Variants in CALD1 observed in about 807,000 individuals in gnomAD.
CALD1 encodes the protein caldesmon 1.
CALD1 carries 33 observed loss-of-function variants against 99.9 expected under a neutral mutation model. That is an observed-to-expected ratio of 0.33 (90% CI 0.25 to 0.44). The LOEUF (loss-of-function observed/expected upper bound fraction) is 0.44, where lower values mean the gene tolerates loss of function less well. Among genes scored for constraint, CALD1 ranks in the 20% least tolerant of loss-of-function variants. The probability of loss-of-function intolerance (pLI) is 1.00; values close to 1 mark genes in which losing one functional copy is unlikely to be tolerated. For missense variants in CALD1, 861 were observed against 962.1 expected (o/e 0.89, Z 1.39); for synonymous variants, 310 against 325.0 (o/e 0.95, Z 0.50).
intron 3 of CALD1, among the ~76,000 whole-genome samples, chr7:134,878,440 G>C (rs1046883287): frequency 7.9e-5 from 12 of 152,022 alleles, no homozygotes; most frequent in African/African-American, 2.4e-4. Flanking sequence ...ATAGTAGTGG[G>C]CGCCTGTAAT....
At chr7:134,767,616 A>C (rs1421199788) in intron 1 of CALD1, among the ~76,000 whole-genome samples, 1 of 152,240 alleles carries the variant, frequency 6.6e-6, no homozygotes, top group Non-Finnish European at 1.5e-5. Context: ...AGGCCTCACC[A>C]AACAGTCTTG....
chr7:134,946,872 G>A (rs1300710318), intron 7 of CALD1, among the ~76,000 whole-genome samples: 1 of 151,216 alleles, frequency 6.6e-6, no homozygotes, highest in Non-Finnish European at 1.5e-5. Flanking sequence ...TATTTTAGTA[G>A]AGACAGGGTT....
chr7:134,775,858 C>T (rs1796914887), upstream of CALD1, among the ~76,000 whole-genome samples: 1 of 152,154 alleles, frequency 6.6e-6, no homozygotes, highest in South Asian at 2.1e-4. Context: ...AGTTTTATAA[C>T]TTTCTTGCAC....
intron 6 of CALD1, among the ~76,000 whole-genome samples, chr7:134,938,605 A>G (rs1240642986): frequency 6.6e-6 from 1 of 152,172 alleles, no homozygotes; most frequent in Non-Finnish European, 1.5e-5. Flanking sequence ...GGGGGCTCAG[A>G]ATCCCATGAG....
At chr7:134,881,895 T>C (rs530330312) in intron 3 of CALD1, among the ~76,000 whole-genome samples, 1 of 152,324 alleles carries the variant, frequency 6.6e-6, no homozygotes, top group African/African-American at 2.4e-5. Context: ...ATGCAGACGA[T>C]TTAAAATCCT....
chr7:134,824,907 T>A (rs1340208155), intron 1 of CALD1, among the ~76,000 whole-genome samples: 1 of 152,192 alleles, frequency 6.6e-6, no homozygotes, highest in Non-Finnish European at 1.5e-5. Context: ...CAGGGCCTGA[T>A]GTCTCTGATG....
intron 1 of CALD1, among the ~76,000 whole-genome samples, chr7:134,836,218 G>A (rs1189379223): frequency 6.7e-6 from 1 of 149,398 alleles, no homozygotes; most frequent in Non-Finnish European, 1.5e-5. Flanking sequence ...TGTTTCCTCA[G>A]CTTTGCCTCC....
Position 134,817,949 on chromosome 7 carries a change from C to T in CALD1, c.-129-25935C>T, listed in dbSNP as rs1798621833. Among the ~76,000 whole-genome samples the T allele has an allele frequency of 3.3e-5, 5 of 152,294 alleles. No homozygotes were observed. The South Asian group carries it at 1.0e-3, about 32-fold the overall frequency. ...TTTTCAAACAATACTTTTTGTCACA[C>T]TTGCCGTCAGCCCATTTTGTTATAA... is the stretch of plus-strand genomic sequence containing the variant. On this transcript the variant is annotated intron_variant, in intron 1 of 14. Transcript: ENST00000361675.
chr7:134,739,163 A>G, the CALD1 span, among the ~76,000 whole-genome samples: 1 of 152,206 alleles, frequency 6.6e-6, no homozygotes, highest in Non-Finnish European at 1.5e-5. Flanking sequence ...TCTGTTTTCT[A>G]TAGTGGGAAA....
chr7:134,766,524 A>G (rs746647542), intron 1 of CALD1, among the ~76,000 whole-genome samples: 26 of 152,266 alleles, frequency 1.7e-4, no homozygotes, highest in Non-Finnish European at 2.2e-4. Context: ...GGACTGAGAA[A>G]AGTTTTAGTA....
At chr7:134,778,195 G>A (rs1796960312), upstream of CALD1, among the ~76,000 whole-genome samples, 1 of 152,228 alleles carries the variant, frequency 6.6e-6, no homozygotes, top group Non-Finnish European at 1.5e-5. Flanking sequence ...AGAGATGAGT[G>A]TAGAGAGTTG....
intron 3 of CALD1, chr7:134,920,688 G>A: frequency 1.6e-6 from 2 of 1,289,198 alleles, no homozygotes; most frequent in Non-Finnish European, 1.0e-6. Flanking sequence ...TTTTAGAGCT[G>A]ATCTTGGGGA....
At chr7:134,721,599 T>G in the CALD1 span, among the ~76,000 whole-genome samples, 1 of 147,096 alleles carries the variant, frequency 6.8e-6, no homozygotes, top group African/African-American at 2.5e-5. Flanking sequence ...TTAGGGGAGG[T>G]GGGGGGGTGA....
At chr7:134,711,720 GTGTGTGTC>G in the CALD1 span, among the ~76,000 whole-genome samples, 924 of 98,676 alleles carry the variant, frequency 9.4e-3, 17 homozygotes, top group African/African-American at 0.027. Flanking sequence ...GTGTGTGTGT[GTGTGTGTC>G]TCTCTCTCTG....
At chr7:134,891,745 TAAAAAAAA>T (rs10607357) in intron 3 of CALD1, 51 of 427,560 alleles carry the variant, frequency 1.2e-4, no homozygotes, top group South Asian at 2.0e-4. Context: ...CGAATTGTTG[TAAAAAAAA>T]AAAAAAAAAA....
chr7:134,919,812 C>T (rs1804482025), intron 3 of CALD1, among the ~76,000 whole-genome samples: 1 of 152,118 alleles, frequency 6.6e-6, no homozygotes, highest in South Asian at 2.1e-4. Flanking sequence ...TTTTTTTCTT[C>T]TAAACCAAGA....
intron 2 of CALD1, among the ~76,000 whole-genome samples, chr7:134,852,258 G>A (rs1038768342): frequency 5.9e-5 from 9 of 152,090 alleles, no homozygotes; most frequent in Non-Finnish European, 1.3e-4. Flanking sequence ...GGGCACTTCA[G>A]GTTATGGGCA....
upstream of CALD1, among the ~76,000 whole-genome samples, chr7:134,739,905 T>TTTTTTTTTTTTTTTTTTTTTTGAG (rs1554420363): frequency 6.6e-6 from 1 of 151,366 alleles, no homozygotes; most frequent in African/African-American, 2.4e-5. Context: ...ATTTTATTCT[T>TTTTTTTTTTTTTTTTTTTTTTGAG]AAGTCACCTA....
intron 4 of CALD1, among the ~76,000 whole-genome samples, chr7:134,930,711 T>A (rs1805456594): frequency 6.6e-6 from 1 of 152,236 alleles, no homozygotes; most frequent in Non-Finnish European, 1.5e-5. Flanking sequence ...TTTCTTCAGT[T>A]AAATGGAAAT....
Sources: allele counts gnomAD v4.1 joint callset (sites outside exome capture counted in the v4.1 genomes callset), GRCh38; gene constraint gnomAD v4.1.1; transcripts MANE v1.5; gene names NCBI Gene and HGNC (gene_info 2026-07-23, HGNC 2026-07-21).